Variants in C12orf42 observed in about 807,000 individuals in gnomAD.
C12orf42 encodes uncharacterized protein C12orf42.
C12orf42 carries 25 observed loss-of-function variants against 21.6 expected under a neutral mutation model. That is an observed-to-expected ratio of 1.16 (90% CI 0.84 to 1.62). The LOEUF (loss-of-function observed/expected upper bound fraction) is 1.62. Among genes scored for constraint, C12orf42 ranks in the 40% most tolerant of loss-of-function variants. C12orf42 has a pLI of 0.00. For synonymous variants in C12orf42, 174 were observed against 175.0 expected, an observed-to-expected ratio of 0.99 and a Z score of 0.05; for missense variants, 483 against 459.3, an observed-to-expected ratio of 1.05 and a Z score of -0.47.
the C12orf42 span, among the ~76,000 whole-genome samples, chr12:103,176,714 T>C: frequency 6.6e-6 from 1 of 152,180 alleles, no homozygotes; most frequent in Non-Finnish European, 1.5e-5. Context: ...GCTGTCTGGC[T>C]CTAGGATCTG....
At chr12:103,164,348 C>T in the C12orf42 span, 2 of 453,424 alleles carry the variant, frequency 4.4e-6, no homozygotes, top group South Asian at 3.1e-5. Flanking sequence ...CTCTCCTATC[C>T]CCTTTCATAG....
At chr12:103,084,498 G>A in the C12orf42 span, among the ~76,000 whole-genome samples, 1 of 152,052 alleles carries the variant, frequency 6.6e-6, no homozygotes, top group Non-Finnish European at 1.5e-5. Context: ...AAATCTCTGT[G>A]CAAATAAACT....
the C12orf42 span, among the ~76,000 whole-genome samples, chr12:103,163,160 T>C: frequency 1.3e-5 from 2 of 152,216 alleles, no homozygotes; most frequent in Admixed American, 6.5e-5. Context: ...CAAGGAGCAG[T>C]TGAATTAAAT....
intron 2 of C12orf42, among the ~76,000 whole-genome samples, chr12:103,466,218 A>G (rs1953116726): frequency 6.6e-6 from 1 of 152,168 alleles, no homozygotes; most frequent in South Asian, 2.1e-4. Context: ...CTTTAACTCC[A>G]TCTGGTCCTG....
chr12:103,423,351 G>C (rs1282053789), intron 2 of C12orf42, among the ~76,000 whole-genome samples: 1 of 152,192 alleles, frequency 6.6e-6, no homozygotes, highest in African/African-American at 2.4e-5. Flanking sequence ...AATGAACACG[G>C]ATCAAGTTCT....
At chr12:103,281,906 GAAGAAAGAAAAAGA>G (rs2036143445) in intron 4 of C12orf42, among the ~76,000 whole-genome samples, 1 of 102,264 alleles carries the variant, frequency 9.8e-6, no homozygotes, top group Admixed American at 1.1e-4. Context: ...AGAAAGAAAA[GAAGAAAGAAAAAGA>G]AAGAAAGAAA....
the C12orf42 span, among the ~76,000 whole-genome samples, chr12:103,148,056 A>G: frequency 6.6e-6 from 1 of 152,158 alleles, no homozygotes; most frequent in Non-Finnish European, 1.5e-5. Context: ...AGATGGTAGA[A>G]TCATATCTTT....
chr12:103,064,980 TTA>T, the C12orf42 span, among the ~76,000 whole-genome samples: 1 of 152,210 alleles, frequency 6.6e-6, no homozygotes, highest in African/African-American at 2.4e-5. Context: ...ACAGACATTC[TTA>T]GCAGCTGGTG....
downstream of C12orf42, among the ~76,000 whole-genome samples, chr12:103,296,963 G>A (rs564771763): frequency 5.5e-4 from 84 of 152,120 alleles, no homozygotes; most frequent in Non-Finnish European, 1.1e-3. Context: ...GAATTGCCTA[G>A]GTTTTCTTCT....
At chr12:103,343,204 C>A (rs2042308231) in intron 4 of C12orf42, among the ~76,000 whole-genome samples, 1 of 152,204 alleles carries the variant, frequency 6.6e-6, no homozygotes, top group Non-Finnish European at 1.5e-5. Context: ...GGAGACATTT[C>A]ATATCTTCCT....
chr12:103,461,258 A>G (rs1313310808), intron 2 of C12orf42, among the ~76,000 whole-genome samples: 1 of 152,132 alleles, frequency 6.6e-6, no homozygotes, highest in Non-Finnish European at 1.5e-5. Context: ...CGGGCAACAA[A>G]CTTTACTTTT....
At chr12:103,385,923 C>T (rs572454100) in intron 3 of C12orf42, among the ~76,000 whole-genome samples, 8 of 152,280 alleles carry the variant, frequency 5.3e-5, no homozygotes, top group African/African-American at 1.9e-4. Flanking sequence ...CTATAGCATG[C>T]TGATCACTGT....
intron 2 of C12orf42, among the ~76,000 whole-genome samples, chr12:103,473,913 A>G (rs1201848666): frequency 1.3e-5 from 2 of 152,230 alleles, no homozygotes; most frequent in African/African-American, 4.8e-5. Flanking sequence ...TTAATTTTAA[A>G]TGAATAAAAA....
intron 5 of C12orf42, 115 bp from the exon 6 acceptor site, chr12:103,302,674 G>A (rs1389082317): frequency 3.8e-6 from 3 of 780,548 alleles, no homozygotes; most frequent in East Asian, 6.1e-5. Context: ...GTGCTCAGAG[G>A]GGAAAGAAAA....
intron 1 of C12orf42, among the ~76,000 whole-genome samples, chr12:103,494,847 G>C (rs1955411709): frequency 6.6e-6 from 1 of 152,176 alleles, no homozygotes; most frequent in African/African-American, 2.4e-5. Context: ...CGAATGAATG[G>C]GAGGAGGAGG....
chr12:103,494,258 G>A (rs1955367667), intron 1 of C12orf42, among the ~76,000 whole-genome samples: 1 of 152,196 alleles, frequency 6.6e-6, no homozygotes, highest in Non-Finnish European at 1.5e-5. Flanking sequence ...AGTTTATTGT[G>A]AAGAGTTCTT....
chr12:103,248,987 A>G (rs946973659), intron 10 of C12orf42, among the ~76,000 whole-genome samples: 1 of 152,072 alleles, frequency 6.6e-6, no homozygotes, highest in Non-Finnish European at 1.5e-5. Flanking sequence ...TTGGCCTCCA[A>G]AATGGTCCAC....
chr12:103,529,763 T>C, the C12orf42 span, among the ~76,000 whole-genome samples: 1 of 152,218 alleles, frequency 6.6e-6, no homozygotes, highest in Admixed American at 6.5e-5. Flanking sequence ...TTATGAGGTT[T>C]GGCTATTTCA....
intron 5 of C12orf42, chr12:103,270,255 G>A (rs1278001802): frequency 2.0e-5 from 3 of 151,762 alleles, no homozygotes; most frequent in Non-Finnish European, 4.4e-5. Context: ...CATGTGAGAT[G>A]AGTTTGAGAG....
Sources: gnomAD v4.1 joint callset for allele counts (sites outside exome capture counted in the v4.1 genomes callset) on GRCh38, gnomAD v4.1.1 for gene constraint, MANE v1.5 for transcripts, NCBI Gene and HGNC (gene_info 2026-07-23, HGNC 2026-07-21) for gene names.